Variants in SHANK2 observed in about 807,000 individuals in gnomAD.
SHANK2 encodes SH3 and multiple ankyrin repeat domains protein 2.
SHANK2 carries 43 observed loss-of-function variants against 133.7 expected under a neutral mutation model. That is an observed-to-expected ratio of 0.32 (90% CI 0.25 to 0.41). The LOEUF is 0.41. SHANK2 is among the 10% of genes least tolerant of loss of function. The pLI, the probability that SHANK2 is intolerant of heterozygous loss-of-function variation, is 1.00. For synonymous variants in SHANK2, 1,017 were observed against 952.8 expected, an observed-to-expected ratio of 1.07 and a Z score of -1.24; for missense variants, 1,994 against 2,235.8, an observed-to-expected ratio of 0.89 and a Z score of 2.18.
chr11:70,865,657 G>A (rs1022142114), intron 11 of SHANK2, among the ~76,000 whole-genome samples: 1 of 152,130 alleles, frequency 6.6e-6, no homozygotes, highest in Non-Finnish European at 1.5e-5. Flanking sequence ...AATTGCTCTT[G>A]AGTCTGCTAG....
At chr11:71,176,876 A>C (rs1555113175) in intron 2 of SHANK2, among the ~76,000 whole-genome samples, 1 of 152,206 alleles carries the variant, frequency 6.6e-6, no homozygotes, top group Non-Finnish European at 1.5e-5. Context: ...AATGTAACCT[A>C]AGCACAAGAA....
intron 11 of SHANK2, among the ~76,000 whole-genome samples, chr11:70,889,171 G>A (rs1052551187): frequency 6.6e-6 from 1 of 152,154 alleles, no homozygotes; most frequent in East Asian, 1.9e-4. Flanking sequence ...TGGATTTAGG[G>A]TAGACTCTAA....
intron 17 of SHANK2, among the ~76,000 whole-genome samples, chr11:70,619,995 AG>A (rs2136446319): frequency 6.6e-6 from 1 of 152,310 alleles, no homozygotes; most frequent in Admixed American, 6.5e-5. Context: ...AGGACACTTG[AG>A]GACCTTGTTT....
At chr11:70,697,616 C>A (rs4367966) in intron 15 of SHANK2, among the ~76,000 whole-genome samples, 3 of 152,078 alleles carry the variant, frequency 2.0e-5, no homozygotes, top group Non-Finnish European at 4.4e-5. Context: ...TTTTAGGTTA[C>A]GTACATTTTA....
chr11:70,566,546 A>T (rs1311681228), intron 17 of SHANK2: 1 of 152,182 alleles, frequency 6.6e-6, no homozygotes, highest in East Asian at 1.9e-4. Context: ...CTGAACCGCA[A>T]CATGGTTGCC....
chr11:70,842,529 G>A (rs1480748972), intron 11 of SHANK2, among the ~76,000 whole-genome samples: 1 of 152,288 alleles, frequency 6.6e-6, no homozygotes, highest in African/African-American at 2.4e-5. Context: ...TCCCTTTCAG[G>A]AGCTCCTTTA....
In SHANK2 at chr11:70,802,046, C is replaced by T. The variant is rs573761941; in HGVS notation, c.1664-3490G>A. Among the ~76,000 whole-genome samples, 68 of 152,216 alleles carry T rather than the reference C, an allele frequency of 4.5e-4. 1 individual carries two copies. The South Asian group carries it at 0.013, about 30-fold the overall frequency. ...CTTGGGGCAACCCTGCAGGAAGAGGCAGTGCTTTGAATGGTGGGTAGAGAG... is the reference window on the plus strand; with the variant it reads ...CTTGGGGCAACCCTGCAGGAAGAGGTAGTGCTTTGAATGGTGGGTAGAGAG... On this transcript the variant is annotated intron_variant, in intron 13 of 25. Transcript: ENST00000601538.
chr11:70,479,438 C>T lies in SHANK2; in HGVS notation c.4979+5876G>A, dbSNP rs987299174. ...CGTGAGGCAGCAGGCGCAGGGGCCT[C>T]GGGAGGAAAACTCGCCTGAGCTCAC... On this transcript the variant is annotated intron_variant, in intron 25 of 25. Coordinates refer to ENST00000601538, the MANE Select transcript of SHANK2 (RefSeq NM_012309.5). The surrounding 1 kb of genome is among the most constrained non-coding windows in gnomAD (Gnocchi z 4.4). Among the ~76,000 whole-genome samples, 3 of 152,202 alleles carry T rather than the reference C, an allele frequency of 2.0e-5. No individual in the cohort carries two copies. The highest frequency in any genetic ancestry group is 3.2e-3 in the Middle Eastern group (1 of 314).
Position 70,500,110 on chromosome 11 carries a change from T to C in SHANK2, c.2308+460A>G, listed in dbSNP as rs371155430. Among the ~76,000 whole-genome samples, 6 of 152,078 alleles carry C rather than the reference T, an allele frequency of 3.9e-5. No individual in the cohort carries two copies. The East Asian group carries it at 1.2e-3, about 29-fold the overall frequency. ...GGGTGGGGAGGTGTAGCCAAAGGGC[T>C]CACACTGCTCCCTTCTCCTTCTAGT... On this transcript the variant is annotated intron_variant, in intron 21 of 25. Coordinates refer to ENST00000601538, the MANE Select transcript of SHANK2 (RefSeq NM_012309.5). The surrounding 1 kb of genome is among the most constrained non-coding windows in gnomAD (Gnocchi z 4.5).
At chr11:70,574,495 A>G (rs1453852635) in intron 17 of SHANK2, among the ~76,000 whole-genome samples, 1 of 151,892 alleles carries the variant, frequency 6.6e-6, no homozygotes, top group Admixed American at 6.6e-5. Context: ...TCATTCTTTC[A>G]CTCATTCATC....
chr11:70,718,546 T>G (rs1946002022), intron 14 of SHANK2, among the ~76,000 whole-genome samples: 1 of 152,144 alleles, frequency 6.6e-6, no homozygotes, highest in Non-Finnish European at 1.5e-5. Flanking sequence ...TGCATCAGGG[T>G]CAGGGCACAG....
chr11:70,678,257 C>T (rs1944943738), intron 15 of SHANK2, among the ~76,000 whole-genome samples: 1 of 152,086 alleles, frequency 6.6e-6, no homozygotes, highest in African/African-American at 2.4e-5. Flanking sequence ...AGCAATTCTT[C>T]TGCCTCGGCC....
chr11:71,090,674 T>C (rs1186882005), intron 8 of SHANK2, among the ~76,000 whole-genome samples: 5 of 152,074 alleles, frequency 3.3e-5, no homozygotes, highest in African/African-American at 7.2e-5. Context: ...TGTACATAGA[T>C]ACATTTATAT....
At chr11:71,059,579 G>A (rs2135929095) in intron 9 of SHANK2, among the ~76,000 whole-genome samples, 1 of 152,328 alleles carries the variant, frequency 6.6e-6, no homozygotes, top group Non-Finnish European at 1.5e-5. Context: ...ATCCCTGGCT[G>A]GGTGGGTCGG....
At chr11:70,710,956 G>A (rs1945769257) in intron 14 of SHANK2, among the ~76,000 whole-genome samples, 1 of 152,098 alleles carries the variant, frequency 6.6e-6, no homozygotes, top group South Asian at 2.1e-4. Context: ...TTCTTTTCCT[G>A]AAGATTTATC....
At chr11:70,782,057 A>G (rs933027558) in intron 14 of SHANK2, among the ~76,000 whole-genome samples, 5 of 152,154 alleles carry the variant, frequency 3.3e-5, no homozygotes, top group Non-Finnish European at 7.3e-5. Context: ...GTGGGAATTG[A>G]ACAATGAGAA....
At chr11:70,779,995 C>T (rs1387502839) in intron 14 of SHANK2, among the ~76,000 whole-genome samples, 1 of 152,158 alleles carries the variant, frequency 6.6e-6, no homozygotes. Flanking sequence ...TTTCTTTCTG[C>T]AGGACTTGGA....
chr11:71,092,343 C>T, intron 8 of SHANK2, 79 bp downstream of exon 8: 6 of 1,495,878 alleles, frequency 4.0e-6, no homozygotes, highest in Non-Finnish European at 5.4e-6. Context: ...CTTTGGGCCA[C>T]CCTGCTTATC....
At chr11:71,209,144 G>T (rs1474937075) in intron 2 of SHANK2, among the ~76,000 whole-genome samples, 1 of 152,140 alleles carries the variant, frequency 6.6e-6, no homozygotes, top group Non-Finnish European at 1.5e-5. Context: ...CAGATGGAAG[G>T]AGCTGGTCAG....
Sources: allele counts gnomAD v4.1 joint callset (sites outside exome capture counted in the v4.1 genomes callset), GRCh38; gene constraint gnomAD v4.1.1; non-coding constraint Gnocchi (gnomAD v3.1); transcripts MANE v1.5; gene names NCBI Gene and HGNC (gene_info 2026-07-23, HGNC 2026-07-21).